The following PDZD2 variants were observed in gnomAD, a reference collection of about 807,000 sequenced individuals.
PDZD2 encodes the protein PDZ domain containing 2, also known as PDZ domain-containing protein 2.
In PDZD2, 90 loss-of-function variants were observed where a neutral mutation model predicts 220.7. The ratio of observed to expected loss-of-function variants is 0.41; its 90% CI spans 0.34 to 0.49. The LOEUF is 0.49. Ranked by LOEUF, PDZD2 falls within the 20% of genes least tolerant of loss-of-function variation. PDZD2 has a pLI of 0.28. For missense variants in PDZD2, 3,174 were observed against 3,608.5 expected (o/e 0.88, Z 3.08); for synonymous variants, 1,375 against 1,450.5 (o/e 0.95, Z 1.18).
rs1051733132 is a variant in PDZD2, at chr5:32,021,517, T to C, written c.1407+11035T>C. Among the ~76,000 whole-genome samples the C allele has an allele frequency of 9.9e-4, 150 of 152,144 alleles. 1 individual carries two copies. Among genetic ancestry groups the C allele is most frequent in the Middle Eastern group, 3.4e-3 (1 of 294 alleles). ...TTCACCATGTTGGCCAGGCTGGTCT[T>C]TAATTCCTGACCTCAAGTGATCCAC... On this transcript the variant is annotated intron_variant, in intron 6 of 24. Coordinates refer to ENST00000438447, the MANE Select transcript of PDZD2 (RefSeq NM_178140.4).
chr5:32,095,110 A>C (rs940113812), intron 21 of PDZD2, among the ~76,000 whole-genome samples: 1 of 152,218 alleles, frequency 6.6e-6, no homozygotes, highest in Non-Finnish European at 1.5e-5. Flanking sequence ...GGAGAAGACC[A>C]GACTGTCCAG....
intron 1 of PDZD2, among the ~76,000 whole-genome samples, chr5:31,727,994 C>T (rs1749277936): frequency 9.1e-6 from 1 of 109,910 alleles, no homozygotes; most frequent in South Asian, 3.1e-4. Flanking sequence ...CAGAGCCAGA[C>T]TCTGTCTCAA....
At chr5:31,756,175 G>T (rs1042738704) in intron 1 of PDZD2, among the ~76,000 whole-genome samples, 12 of 152,266 alleles carry the variant, frequency 7.9e-5, no homozygotes, top group African/African-American at 2.2e-4. Flanking sequence ...GCCCCTCCAG[G>T]ACCCGGGGGT....
chr5:32,107,583 T>C (rs1744901782), intron 24 of PDZD2: 1 of 153,998 alleles, frequency 6.5e-6, no homozygotes, highest in Non-Finnish European at 1.4e-5. Context: ...TTGAACCTGC[T>C]TTTCTGTGTT....
chr5:31,767,616 T>C (rs1420534249), intron 1 of PDZD2, among the ~76,000 whole-genome samples: 1 of 152,228 alleles, frequency 6.6e-6, no homozygotes, highest in East Asian at 1.9e-4. Flanking sequence ...AATTGACCCA[T>C]TTCTGACCAC....
chr5:31,861,455 T>C (rs1737699842), intron 2 of PDZD2, among the ~76,000 whole-genome samples: 1 of 152,226 alleles, frequency 6.6e-6, no homozygotes. Flanking sequence ...CCAAGTAGAA[T>C]TCCTCTCTAC....
chr5:32,009,482 CT>C (rs1381569187), intron 5 of PDZD2, among the ~76,000 whole-genome samples: 1 of 151,840 alleles, frequency 6.6e-6, no homozygotes, highest in Non-Finnish European at 1.5e-5. Flanking sequence ...AATCCCAGCA[CT>C]TTGGGAAGCC....
rs1478490907 is a variant in PDZD2, at chr5:31,682,791, G to GACCAAGACGCTCCATTTCC, written c.-361+43359_-361+43377dup. 3.3e-5 allele frequency among the ~76,000 whole-genome samples: 5 copies of GACCAAGACGCTCCATTTCC among 151,738 alleles called. No individual in the cohort carries two copies. In the East Asian group the frequency reaches 9.7e-4, roughly 29 times the overall value. On this transcript the variant is annotated intron_variant, in intron 1 of 24. Coordinates refer to ENST00000438447, the MANE Select transcript of PDZD2 (RefSeq NM_178140.4). ...AGCCCTGCAGGTGAATTTTTACGTA[G>GACCAAGACGCTCCATTTCC]ACCAAGACGCTCCATTTCCACCACA... is the stretch of plus-strand genomic sequence containing the variant.
intron 2 of PDZD2, among the ~76,000 whole-genome samples, chr5:31,932,903 TC>T (rs76955478): frequency 0.76 from 109,434 of 144,606 alleles, 40,137 homozygotes; most frequent in Middle Eastern, 0.82. Flanking sequence ...TAGCATAGTG[TC>T]CTTTTTTTTT....
intron 1 of PDZD2, chr5:31,744,578 A>G (rs1432434358): frequency 6.7e-6 from 1 of 149,506 alleles, no homozygotes; most frequent in African/African-American, 2.5e-5. Context: ...TTGAATTCTG[A>G]AAAAAAAAAG....
At chr5:32,002,116 TTAGAAGAACA>T (rs1202015655) in intron 5 of PDZD2, among the ~76,000 whole-genome samples, 2 of 152,312 alleles carry the variant, frequency 1.3e-5, no homozygotes, top group Admixed American at 1.3e-4. Flanking sequence ...AACAAATAGA[TTAGAAGAACA>T]TTTTGGGCTA....
chr5:31,861,273 A>T (rs1194722645), intron 2 of PDZD2, among the ~76,000 whole-genome samples: 7 of 152,130 alleles, frequency 4.6e-5, no homozygotes, highest in Non-Finnish European at 1.0e-4. Flanking sequence ...TGAGATGATT[A>T]ATTTTCTCCC....
chr5:31,677,938 G>A (rs1397938303), intron 1 of PDZD2, among the ~76,000 whole-genome samples: 1 of 152,032 alleles, frequency 6.6e-6, no homozygotes, highest in Non-Finnish European at 1.5e-5. Flanking sequence ...GGGCTAATGA[G>A]TATGTCCGTT....
intron 1 of PDZD2, among the ~76,000 whole-genome samples, chr5:31,785,331 T>G (rs1753315548): frequency 6.6e-6 from 1 of 150,954 alleles, no homozygotes; most frequent in South Asian, 2.1e-4. Context: ...GGCACCTCCC[T>G]GGCAGTGACC....
rs554098223 is a variant in PDZD2, at chr5:31,886,601, C to T, written c.476+86877C>T. 6.4e-5 allele frequency among the ~76,000 whole-genome samples: 8 copies of T among 125,760 alleles called. No individual in the cohort carries two copies. The East Asian group carries it at 1.8e-3, about 28-fold the overall frequency. The allele number at this position is 125,760 out of a possible 152,430, so 82.5% of individuals were successfully genotyped here. A position where few individuals can be genotyped will look rare whatever the true frequency, so the allele number is the denominator to read the frequency against. ...GAGATGTGTGGGCCCTCAGCCACGG[C>T]CCAGGGTGGAATTGAGGTCTTATTG... On this transcript the variant is annotated intron_variant, in intron 2 of 24. Transcript: ENST00000438447.
chr5:31,886,845 C>G (rs1240930662), intron 2 of PDZD2, among the ~76,000 whole-genome samples: 1 of 152,146 alleles, frequency 6.6e-6, no homozygotes, highest in Non-Finnish European at 1.5e-5. Flanking sequence ...CTACAGGCGC[C>G]TGCCACCACA....
At chr5:31,936,241 C>T (rs1271378077) in intron 2 of PDZD2, 1 of 987,644 alleles carries the variant, frequency 1.0e-6, no homozygotes, top group Non-Finnish European at 1.2e-6. Context: ...CTTTAAAGAC[C>T]TGAATGGAGA....
chr5:31,658,166 G>A (rs890870076), intron 1 of PDZD2, among the ~76,000 whole-genome samples: 1 of 152,160 alleles, frequency 6.6e-6, no homozygotes, highest in East Asian at 1.9e-4. Context: ...TGGCAGACAG[G>A]TGGACGGACA....
chr5:31,773,710 G>A (rs1212733407), intron 1 of PDZD2, among the ~76,000 whole-genome samples: 2 of 152,114 alleles, frequency 1.3e-5, no homozygotes, highest in Non-Finnish European at 2.9e-5. Flanking sequence ...GACAGAGAGA[G>A]GGAGACAGTC....
Sources: gnomAD v4.1 joint callset for allele counts (sites outside exome capture counted in the v4.1 genomes callset) on GRCh38, gnomAD v4.1.1 for gene constraint, MANE v1.5 for transcripts, NCBI Gene and HGNC (gene_info 2026-07-23, HGNC 2026-07-21) for gene names.